The following MICAL2 variants were observed in gnomAD, a reference collection of about 807,000 sequenced individuals.
The protein encoded by MICAL2 is microtubule associated monooxygenase, calponin and LIM domain containing 2.
A neutral mutation model predicts 127.3 loss-of-function variants in MICAL2; 77 were observed. The ratio of observed to expected loss-of-function variants is 0.60; its 90% CI spans 0.50 to 0.73. The LOEUF (loss-of-function observed/expected upper bound fraction) is 0.73. Among genes scored for constraint, MICAL2 ranks in the 30% least tolerant of loss-of-function variants. The pLI is 0.00. For synonymous variants in MICAL2, 570 were observed against 551.1 expected (o/e 1.03, Z -0.48); for missense variants, 1,351 against 1,434.4 (o/e 0.94, Z 0.94).
At chr11:12,182,480 C>T (rs552260835) in intron 3 of MICAL2, among the ~76,000 whole-genome samples, 25 of 152,264 alleles carry the variant, frequency 1.6e-4, no homozygotes, top group South Asian at 8.3e-4. Flanking sequence ...CACACCGTAG[C>T]GGCTTTAGCA....
chr11:12,126,334 T>C (rs1394236340), intron 1 of MICAL2, among the ~76,000 whole-genome samples: 1 of 152,234 alleles, frequency 6.6e-6, no homozygotes, highest in Non-Finnish European at 1.5e-5. Flanking sequence ...GGAAGAAGTA[T>C]GTACTTTGCT....
At chr11:12,255,344 A>G (rs1211958429) in intron 22 of MICAL2, 1 of 383,642 alleles carries the variant, frequency 2.6e-6, no homozygotes, top group African/African-American at 2.0e-5. Context: ...CCCACTAAAC[A>G]ACAGCAACCA....
At position 12,241,293 on chromosome 11, in the gene MICAL2, C is replaced by T. The variant is rs1033758905; in HGVS notation, c.2337+131C>T. The T allele has an allele frequency of 1.9e-5, 22 of 1,148,830 alleles. No individual in the cohort carries two copies. In the African/African-American group the frequency reaches 2.5e-4, roughly 13 times the overall value. The allele number at this position is 1,148,830 out of a possible 1,614,324, so 71.2% of individuals were successfully genotyped here. A position where few individuals can be genotyped will look rare whatever the true frequency, so the allele number is the denominator to read the frequency against. On this transcript the variant is annotated intron_variant, in intron 18 of 27. Transcript: ENST00000683283. ...AGATTTTCTGGACACACCTTGATGT[C>T]ACCACACTTATAGGTAAGAATAACC... is the stretch of plus-strand genomic sequence containing the variant.
chr11:12,347,793 A>C (rs1158989845), intron 32 of MICAL2, among the ~76,000 whole-genome samples: 2 of 152,228 alleles, frequency 1.3e-5, no homozygotes, highest in African/African-American at 4.8e-5. Flanking sequence ...CTTGGTGTCT[A>C]TGTGGGACTG....
chr11:12,205,509 A>C (rs1393403283), intron 4 of MICAL2, among the ~76,000 whole-genome samples: 1 of 152,176 alleles, frequency 6.6e-6, no homozygotes. Context: ...TCTGGAACCA[A>C]TCTCCAGCAT....
intron 3 of MICAL2, among the ~76,000 whole-genome samples, chr11:12,170,748 T>C (rs1185232937): frequency 6.6e-6 from 1 of 152,200 alleles, no homozygotes; most frequent in Non-Finnish European, 1.5e-5. Flanking sequence ...CCAATCTGGG[T>C]TTGGTGCCCC....
At chr11:12,116,498 A>G (rs1227163282) in intron 1 of MICAL2, among the ~76,000 whole-genome samples, 4 of 152,050 alleles carry the variant, frequency 2.6e-5, no homozygotes. Context: ...CCCAATGGCC[A>G]AACACCCTGC....
chr11:12,311,370 C>CT (rs936041719), intron 29 of MICAL2, among the ~76,000 whole-genome samples: 12 of 150,442 alleles, frequency 8.0e-5, no homozygotes, highest in Admixed American at 4.0e-4. Context: ...ATTTTTCTTT[C>CT]TTTTTTTTTG....
intron 26 of MICAL2, chr11:12,261,131 G>T (rs1036346793): frequency 2.0e-6 from 2 of 985,398 alleles, no homozygotes; most frequent in Non-Finnish European, 2.4e-6. Flanking sequence ...GGTGTCCTTT[G>T]GGACTGAGGG....
chr11:12,206,220 C>A (rs1213624362), intron 4 of MICAL2, among the ~76,000 whole-genome samples: 1 of 152,190 alleles, frequency 6.6e-6, no homozygotes, highest in Non-Finnish European at 1.5e-5. Flanking sequence ...GGGGGCAGAA[C>A]TGGGTACCAG....
chr11:12,111,279 G>A (rs1440976767), intron 1 of MICAL2, among the ~76,000 whole-genome samples: 1 of 152,074 alleles, frequency 6.6e-6, no homozygotes, highest in Non-Finnish European at 1.5e-5. Flanking sequence ...TGGGGTCGTG[G>A]CAGTGGTCCG....
chr11:12,325,688 C>A (rs574568036), intron 31 of MICAL2, among the ~76,000 whole-genome samples: 1 of 152,138 alleles, frequency 6.6e-6, no homozygotes, highest in Non-Finnish European at 1.5e-5. Flanking sequence ...ATAAGGACAT[C>A]AGCTGCATTG....
At chr11:12,255,845 C>A in intron 23 of MICAL2, 95 bp downstream of exon 23, 1 of 910,076 alleles carries the variant, frequency 1.1e-6, no homozygotes, top group Non-Finnish European at 1.7e-6. Flanking sequence ...CTGGCCCTCC[C>A]GAGGCTCCTC....
At position 12,204,402 on chromosome 11, in the gene MICAL2, C is replaced by T. The variant is rs1332978610; in HGVS notation, c.417C>T (p.Gly139=). The T allele has an allele frequency of 6.2e-7, 1 of 1,614,046 alleles. No individual in the cohort carries two copies. Among genetic ancestry groups the T allele is most frequent in the Non-Finnish European group, 8.5e-7 (1 of 1,180,030 alleles). ...CTTTCACCATCCATGACCTTCGTGG[C>T]CTGGGAGCCAAGAAGTTCTATGGGA... is the stretch of plus-strand genomic sequence containing the variant. ...LWPFTIHDLR[G]LGAKKFYGKF... is the part of the protein sequence containing the mutation. Residue 139 remains glycine (G), a synonymous_variant, in exon 4 of 28, where the codon GGC becomes GGT. Transcript: ENST00000683283.
At chr11:12,294,820 T>C (rs199574730), downstream of MICAL2, 6,192 of 1,513,490 alleles carry the variant, frequency 4.1e-3, 200 homozygotes, top group African/African-American at 0.075. Flanking sequence ...CTCCTCCTCC[T>C]CCTCCTCCTC....
At chr11:12,300,224 G>A (rs1167036337) in intron 29 of MICAL2, among the ~76,000 whole-genome samples, 1 of 152,130 alleles carries the variant, frequency 6.6e-6, no homozygotes, top group Non-Finnish European at 1.5e-5. Flanking sequence ...AACCCAGGAG[G>A]CACAGTTTGC....
At chr11:12,332,297 G>A (rs1401177872) in intron 32 of MICAL2, among the ~76,000 whole-genome samples, 4 of 152,238 alleles carry the variant, frequency 2.6e-5, no homozygotes, top group African/African-American at 9.6e-5. Flanking sequence ...GCTGGTTGCT[G>A]TGCATTCATA....
downstream of MICAL2, chr11:12,293,539 T>G (rs1184518071): frequency 1.9e-6 from 3 of 1,554,404 alleles, no homozygotes; most frequent in Non-Finnish European, 2.6e-6. Flanking sequence ...AAATAACTGC[T>G]ATTTTTGCCC....
chr11:12,134,747 T>C (rs7117305), intron 1 of MICAL2, among the ~76,000 whole-genome samples: 9,216 of 152,122 alleles, frequency 0.061, 501 homozygotes, highest in African/African-American at 0.14. Flanking sequence ...ACCAACACTT[T>C]GGGAGGCTGA....
Sources: gnomAD v4.1 joint callset for allele counts (sites outside exome capture counted in the v4.1 genomes callset) on GRCh38, gnomAD v4.1.1 for gene constraint, MANE v1.5 for transcripts, NCBI Gene and HGNC (gene_info 2026-07-23, HGNC 2026-07-21) for gene names.